The following STAC2 variants were observed in gnomAD, a reference collection of about 807,000 sequenced individuals.
The protein encoded by STAC2 is SH3 and cysteine rich domain 2.
Under a neutral mutation model 49.0 loss-of-function variants are expected in STAC2, and 36 were observed. The ratio of observed to expected loss-of-function variants is 0.74; its 90% CI spans 0.56 to 0.97. The LOEUF is 0.97. Ranked by LOEUF, STAC2 falls within the 50% of genes least tolerant of loss-of-function variation. The probability of loss-of-function intolerance (pLI) is 0.00; values close to 1 mark genes in which losing one functional copy is unlikely to be tolerated. For synonymous variants in STAC2, 239 were observed against 214.7 expected (o/e 1.11, Z -0.99); for missense variants, 527 against 543.8 (o/e 0.97, Z 0.31).
intron 4 of STAC2, among the ~76,000 whole-genome samples, chr17:39,215,434 G>A (rs2046393628): frequency 6.6e-6 from 1 of 152,136 alleles, no homozygotes; most frequent in Non-Finnish European, 1.5e-5. Flanking sequence ...TGTCCTCACT[G>A]CCCACAGCCA....
intron 8 of STAC2, 43 bp downstream of exon 8, chr17:39,214,190 G>T: frequency 6.2e-7 from 1 of 1,604,490 alleles, no homozygotes; most frequent in Non-Finnish European, 8.5e-7. Flanking sequence ...AGGTCTGGGA[G>T]CGCAGAGCTG....
chr17:39,217,867 C>G lies in STAC2; in HGVS notation c.397G>C (p.Gly133Arg). 1 of 1,600,508 alleles carries G rather than the reference C, an allele frequency of 6.2e-7. No individual in the cohort carries two copies. The highest frequency in any genetic ancestry group is 8.5e-7 in the Non-Finnish European group (1 of 1,174,444). The change falls in exon 2 of 11, where the codon GGA (glycine) becomes CGA (arginine). Residue 133 changes from glycine to arginine, a missense_variant and splice_region_variant. Coordinates refer to ENST00000333461, the MANE Select transcript of STAC2 (RefSeq NM_198993.5). The stretch of plus-strand genomic sequence containing the variant: ...GCCGCCTCAGTGCCCAGGCACCTAC[C>G]TACGATGAGCTGGTGGCACAGCTCA... ...PCELCHQLIV[G>R]NSKQGLRCKM...
intron 4 of STAC2, among the ~76,000 whole-genome samples, chr17:39,215,767 G>A (rs958312081): frequency 2.6e-5 from 4 of 151,994 alleles, no homozygotes; most frequent in South Asian, 2.1e-4. Context: ...ACAATGGCAC[G>A]ATCCTGGCTT....
Position 39,210,547 on chromosome 17 carries a change from A to G in STAC2, c.*1745T>C, listed in dbSNP as rs576558266. On this transcript the variant is annotated 3_prime_UTR_variant, in exon 11 of 11. Transcript: ENST00000333461. ...AGACACAGAGCAGATGGGCTGGGAC[A>G]AGAAACATTTAATTAGGGGTCTGGG... is the stretch of plus-strand genomic sequence containing the variant. 245 of 152,646 alleles carry G rather than the reference A, an allele frequency of 1.6e-3. No homozygotes were observed. Among genetic ancestry groups the G allele is most frequent in the Non-Finnish European group, 1.3e-3 (89 of 68,046 alleles). 9.5% of individuals were successfully genotyped at this position (152,646 alleles called of 1,614,324 possible). A position where few individuals can be genotyped will look rare whatever the true frequency, so the allele number is the denominator to read the frequency against.
Position 39,225,334 on chromosome 17 carries a change from C to T in STAC2, c.90+79G>A. 7.8e-7 allele frequency: 1 copy of T among 1,276,576 alleles called. No homozygotes were observed. Among genetic ancestry groups the T allele is most frequent in the South Asian group, 1.4e-5 (1 of 70,524 alleles). The allele number at this position is 1,276,576 out of a possible 1,614,324, so 79.1% of individuals were successfully genotyped here. A position where few individuals can be genotyped will look rare whatever the true frequency, so the allele number is the denominator to read the frequency against. On this transcript the variant is annotated intron_variant, in intron 1 of 10. Transcript: ENST00000333461. This position sits in a 1 kb window ranked among gnomAD's most constrained non-coding sequence, Gnocchi z 8.2. Reference sequence around the variant, plus strand: ...CCTCGCGACCGCGACCCTAGGACGCCCGGGCCCACAGGAGGACCCCGCCGG... The same window carrying T: ...CCTCGCGACCGCGACCCTAGGACGCTCGGGCCCACAGGAGGACCCCGCCGG...
chr17:39,224,036 C>A (rs1219651880), intron 1 of STAC2, among the ~76,000 whole-genome samples: 22 of 152,072 alleles, frequency 1.4e-4, no homozygotes, highest in Admixed American at 1.4e-3. Flanking sequence ...ATGTGGAGAC[C>A]TGCTGGGTCC....
chr17:39,221,792 CA>C (rs146861248), intron 1 of STAC2, among the ~76,000 whole-genome samples: 10,782 of 151,580 alleles, frequency 0.071, 1,169 homozygotes, highest in African/African-American at 0.24. Context: ...CTGCCTGGGC[CA>C]TCACCCTCAC....
In STAC2 at chr17:39,225,914, C is replaced by T; in HGVS notation, c.-412G>A. On this transcript the variant is annotated 5_prime_UTR_variant, in exon 1 of 11. Coordinates refer to ENST00000333461, the MANE Select transcript of STAC2 (RefSeq NM_198993.5). The surrounding 1 kb of genome is among the most constrained non-coding windows in gnomAD (Gnocchi z 8.2). The stretch of plus-strand genomic sequence containing the variant: ...CCGGCCCCAGCCCGGCACCCGGCGG[C>T]CCCTCCGCCCAGTCCTCGCCGCCCA... The T allele has an allele frequency of 4.4e-6, 1 of 229,192 alleles. No individual in the cohort carries two copies. Among genetic ancestry groups the T allele is most frequent in the Non-Finnish European group, 8.6e-6 (1 of 116,246 alleles). The allele number at this position is 229,192 out of a possible 1,614,324, so 14.2% of individuals were successfully genotyped here.
Position 39,211,609 on chromosome 17 carries a change from C to T in STAC2, c.*683G>A, listed in dbSNP as rs940930523. On this transcript the variant is annotated 3_prime_UTR_variant, in exon 11 of 11. Coordinates refer to ENST00000333461, the MANE Select transcript of STAC2 (RefSeq NM_198993.5). ...CCAGCTCTTGGGTTTTCTACTTGAA[C>T]AGATAGTCTCTGATTTGTTACACCT... 1 of 152,764 alleles carries T rather than the reference C, an allele frequency of 6.5e-6. No homozygotes were observed. Among genetic ancestry groups the T allele is most frequent in the African/African-American group, 2.4e-5 (1 of 41,422 alleles). 9.5% of individuals were successfully genotyped at this position (152,764 alleles called of 1,614,324 possible).
chr17:39,214,805 T>C lies in STAC2; in HGVS notation c.829A>G (p.Ser277Gly). The change falls in exon 7 of 11, where the codon AGT becomes GGT. Residue 277 changes from serine to glycine, a missense_variant. Ser to Gly is a moderately conservative substitution (Grantham distance 56, BLOSUM62 0). Transcript: ENST00000333461. The stretch of plus-strand genomic sequence containing the variant: ...TACAGGCTCACCTGCTGTCCAGGAC[T>C]CTTCTCCTCTGGTCCTGGCCCTTCA... Reference protein sequence around the residue: ...ESEGPGPEEKSPGQQLPKATL... With the variant: ...ESEGPGPEEKGPGQQLPKATL... 2 of 1,614,028 alleles carry C rather than the reference T, an allele frequency of 1.2e-6. No individual in the cohort carries two copies. Among genetic ancestry groups the C allele is most frequent in the Non-Finnish European group, 1.7e-6 (2 of 1,179,970 alleles).
At position 39,217,976 on chromosome 17, in the gene STAC2, G is replaced by GC. The variant is rs1262790931; in HGVS notation, c.287dup (p.Cys96TrpfsTer27). On this transcript the variant is annotated frameshift_variant, in exon 2 of 11. Coordinates refer to ENST00000333461, the MANE Select transcript of STAC2 (RefSeq NM_198993.5). LOFTEE classifies it high-confidence loss of function. Reference sequence around the variant, plus strand: ...GCGCTGCCAGGGGGCGTGGGACTGGGCATGGGGAGGGGGATGGGGTAGCCA... The same window carrying GC: ...GCGCTGCCAGGGGGCGTGGGACTGGGCCATGGGGAGGGGGATGGGGTAGCCA... 34 of 1,589,026 alleles carry GC rather than the reference G, an allele frequency of 2.1e-5. No individual in the cohort carries two copies. Among genetic ancestry groups the GC allele is most frequent in the Non-Finnish European group, 2.8e-5 (33 of 1,168,558 alleles).
chr17:39,213,450 G>A lies in STAC2; in HGVS notation c.993+57C>T, dbSNP rs1040581448. On this transcript the variant is annotated intron_variant, in intron 9 of 10. Coordinates refer to ENST00000333461, the MANE Select transcript of STAC2 (RefSeq NM_198993.5). ...AAGGTGGGGGCAGTGCCCATTGGGG[G>A]TGGGGGCTGCTGGGGTGCCTACCAG... is the stretch of plus-strand genomic sequence containing the variant. 3.1e-6 allele frequency: 5 copies of A among 1,600,274 alleles called. No individual in the cohort carries two copies. In the Admixed American group the frequency reaches 8.4e-5, roughly 27 times the overall value.
chr17:39,214,272 T>C lies in STAC2; in HGVS notation c.902A>G (p.Tyr301Cys), dbSNP rs779139608. ...VGPMYSYVAL[Y>C]KFLPQENNDL... ...ATTGTTCTCCTGGGGCAGAAACTTG[T>C]AGAGTGCAACGTAGGAGTACATGGG... Residue 301 changes from tyrosine to cysteine, a missense_variant, in exon 8 of 11, where the codon TAC becomes TGC. Tyr to Cys is a radical substitution (Grantham distance 194). Coordinates refer to ENST00000333461, the MANE Select transcript of STAC2 (RefSeq NM_198993.5). 3.1e-6 allele frequency: 5 copies of C among 1,613,956 alleles called. No individual in the cohort carries two copies. The East Asian group carries it at 8.9e-5, about 29-fold the overall frequency.
chr17:39,218,097 G>C lies in STAC2; in HGVS notation c.167C>G (p.Ser56Trp), dbSNP rs199773288. ...SKSLENFFLRSGSELKCPTEV... is the reference protein window; with the variant it reads ...SKSLENFFLRWGSELKCPTEV... ...GGTGGGGCACTTGAGCTCAGAGCCC[G>C]AGCGAAGGAAGAAGTTCTCCAAGCT... The change falls in exon 2 of 11, where the codon TCG (serine) becomes TGG (tryptophan). Residue 56 changes from serine (S) to tryptophan (W), a missense_variant. Physicochemically the swap from Ser to Trp is radical, Grantham distance 177 (BLOSUM62 -3). Transcript: ENST00000333461. 6.2e-7 allele frequency: 1 copy of C among 1,613,158 alleles called. No individual in the cohort carries two copies. Among genetic ancestry groups the C allele is most frequent in the Non-Finnish European group, 8.5e-7 (1 of 1,180,026 alleles).
rs1228507167 is a variant in STAC2, at chr17:39,212,368, T to G, written c.1160A>C (p.Asp387Ala). ...GCTGACGCGGATGAAGCCGTCAGCA[T>G]CCTTGCTTCTGCCCACGCCCACGCA... ...QICVGVGRSK[D>A]ADGFIRVSSG... Residue 387 changes from aspartate (D) to alanine (A), a missense_variant, in exon 11 of 11, where the codon GAT (aspartate) becomes GCT (alanine). By Grantham distance (126) the Asp-to-Ala change is moderately radical. Transcript: ENST00000333461. 1 of 1,611,426 alleles carries G rather than the reference T, an allele frequency of 6.2e-7. No individual in the cohort carries two copies. The highest frequency in any genetic ancestry group is 1.7e-5 in the Admixed American group (1 of 59,792).
In STAC2 at chr17:39,212,412, A is replaced by G. The variant is rs971789376; in HGVS notation, c.1132-16T>C. The G allele has an allele frequency of 3.8e-6, 6 of 1,594,090 alleles. No homozygotes were observed. The highest frequency in any genetic ancestry group is 5.1e-6 in the Non-Finnish European group (6 of 1,167,812). ...CCACGCAGATCTGAGCCAGAGAGAC[A>G]TGGAGCTGAGGCCTGGCATGGCCTG... On this transcript the variant is annotated splice_polypyrimidine_tract_variant and intron_variant, in intron 10 of 10. Transcript: ENST00000333461.
intron 4 of STAC2, 124 bp from the exon 5 acceptor site, chr17:39,215,354 C>T: frequency 1.1e-6 from 1 of 945,924 alleles, no homozygotes; most frequent in Non-Finnish European, 1.6e-6. Context: ...AGGTCTTCCT[C>T]ATCCCAGAGA....
chr17:39,220,600 A>G (rs1371334889), intron 1 of STAC2, among the ~76,000 whole-genome samples: 1 of 150,900 alleles, frequency 6.6e-6, no homozygotes, highest in Non-Finnish European at 1.5e-5. Flanking sequence ...TCAGCCTCCC[A>G]AGTAGCTGGG....
intron 1 of STAC2, among the ~76,000 whole-genome samples, chr17:39,223,060 G>A (rs1209954173): frequency 6.6e-6 from 1 of 152,200 alleles, no homozygotes; most frequent in African/African-American, 2.4e-5. Flanking sequence ...TGGCTTGGGT[G>A]CAGGGCTGAT....
Sources: allele counts gnomAD v4.1 joint callset (sites outside exome capture counted in the v4.1 genomes callset), GRCh38; gene constraint gnomAD v4.1.1; non-coding constraint Gnocchi (gnomAD v3.1); transcripts MANE v1.5; gene names NCBI Gene and HGNC (gene_info 2026-07-23, HGNC 2026-07-21).